The following TOPAZ1 variants were observed in gnomAD, a reference collection of about 807,000 sequenced individuals.
TOPAZ1 encodes testis and ovary specific TOPAZ 1.
Under a neutral mutation model 172.2 loss-of-function variants are expected in TOPAZ1, and 66 were observed. The observed-to-expected ratio is 0.38, with a 90% CI of 0.31 to 0.47. TOPAZ1 has a LOEUF of 0.47. Among genes scored for constraint, TOPAZ1 ranks in the 20% least tolerant of loss-of-function variants. The pLI is 0.99. For missense variants in TOPAZ1, 1,822 were observed against 1,972.4 expected, an observed-to-expected ratio of 0.92 and a Z score of 1.44; for synonymous variants, 681 against 683.9, an observed-to-expected ratio of 1.00 and a Z score of 0.07.
At chr3:44,285,874 A>G (rs1447137445) in intron 9 of TOPAZ1, among the ~76,000 whole-genome samples, 2 of 151,374 alleles carry the variant, frequency 1.3e-5, no homozygotes, top group African/African-American at 4.8e-5. Context: ...GGCCGAGAGG[A>G]TCATTATTTT....
At chr3:44,296,847 C>CAAAAAAAAAAAAAAA (rs141080618) in intron 12 of TOPAZ1, among the ~76,000 whole-genome samples, 29 of 104,752 alleles carry the variant, frequency 2.8e-4, no homozygotes, top group Non-Finnish European at 3.3e-4. Flanking sequence ...CAGAGAATAC[C>CAAAAAAAAAAAAAAA]AAAAAAAAAA....
At chr3:44,249,420 G>A (rs543841367) in intron 2 of TOPAZ1, among the ~76,000 whole-genome samples, 2 of 152,138 alleles carry the variant, frequency 1.3e-5, no homozygotes, top group Admixed American at 6.5e-5. Context: ...AAGTTTGGTC[G>A]GGAAGGAGAA....
At position 44,259,758 on chromosome 3, in the gene TOPAZ1, C is replaced by T. The variant is rs184952494; in HGVS notation, c.2956-2661C>T. ...CACTAATTCATTATTAATTTTTTGT[C>T]CATCTGCTTATTTTTATAAATGACT... On this transcript the variant is annotated intron_variant, in intron 4 of 19. Coordinates refer to ENST00000309765, the MANE Select transcript of TOPAZ1 (RefSeq NM_001145030.2). Among the ~76,000 whole-genome samples the T allele has an allele frequency of 2.3e-3, 350 of 152,226 alleles. 1 individual carries two copies. The highest frequency in any genetic ancestry group is 3.9e-3 in the Non-Finnish European group (262 of 68,016).
rs1488320126 is a variant in TOPAZ1, at chr3:44,242,064, C to T, written c.11C>T (p.Pro4Leu). The T allele has an allele frequency of 1.3e-6, 2 of 1,545,124 alleles. No individual in the cohort carries two copies. The highest frequency in any genetic ancestry group is 1.2e-5 in the South Asian group (1 of 83,876). The change falls in exon 1 of 20, where the codon CCT becomes CTT. Residue 4 changes from proline (P) to leucine (L), a missense_variant. By Grantham distance (98) the Pro-to-Leu change is moderately conservative (BLOSUM62 -3). This residue lies in a region of TOPAZ1 where 1,489 missense variants were observed against 1,490.8 expected (regional missense o/e 1.00). Transcript: ENST00000309765. Reference protein sequence around the residue: MRRPPPLGPTTASG... With the variant: MRRLPPLGPTTASG... ...CCGGCCCCGGGGCACATGCGACGAC[C>T]TCCACCCCTGGGCCCCACGACGGCC...
chr3:44,279,379 C>T (rs182012222), intron 8 of TOPAZ1, among the ~76,000 whole-genome samples: 5 of 152,162 alleles, frequency 3.3e-5, no homozygotes, highest in Non-Finnish European at 5.9e-5. Context: ...TGTTAATTTT[C>T]TGTCTAGATG....
Position 44,282,163 on chromosome 3 carries a change from AG to A in TOPAZ1, c.3436+134del. On this transcript the variant is annotated intron_variant, in intron 9 of 19. Coordinates refer to ENST00000309765, the MANE Select transcript of TOPAZ1 (RefSeq NM_001145030.2). Reference sequence around the variant, plus strand: ...AAGAGTAGCTCTGTTGGCCTAAGAAAGGATTGAAAATAAATGAGATATTTTG... The same window carrying A: ...AAGAGTAGCTCTGTTGGCCTAAGAAAGATTGAAAATAAATGAGATATTTTG... The A allele has an allele frequency of 5.2e-6, 3 of 580,120 alleles. No individual in the cohort carries two copies. In the South Asian group the frequency reaches 8.0e-5, roughly 15 times the overall value. 35.9% of individuals were successfully genotyped at this position (580,120 alleles called of 1,614,324 possible). A position where few individuals can be genotyped will look rare whatever the true frequency, so the allele number is the denominator to read the frequency against.
In TOPAZ1 at chr3:44,269,258, A is replaced by G; in HGVS notation, c.3203A>G (p.Asn1068Ser). 6.4e-7 allele frequency: 1 copy of G among 1,550,510 alleles called. No homozygotes were observed. Among genetic ancestry groups the G allele is most frequent in the Non-Finnish European group, 8.7e-7 (1 of 1,146,008 alleles). ...LGKHSVLKLQ[N>S]PETCEIFKRE... ...AAACATTCTGTCCTAAAGCTGCAGA[A>G]TCCTGAAACTTGTGAAATATTCAAG... Residue 1068 changes from asparagine (N) to serine (S), a missense_variant, in exon 7 of 20, where the codon AAT becomes AGT. Physicochemically the swap from Asn to Ser is conservative, Grantham distance 46. Coordinates refer to ENST00000309765, the MANE Select transcript of TOPAZ1 (RefSeq NM_001145030.2).
intron 12 of TOPAZ1, among the ~76,000 whole-genome samples, chr3:44,293,662 A>G (rs1422903964): frequency 6.6e-6 from 1 of 152,234 alleles, no homozygotes; most frequent in Non-Finnish European, 1.5e-5. Context: ...AAAAGAGTCA[A>G]AAAGTTTGTA....
At chr3:44,251,993 T>C (rs988657266) in intron 2 of TOPAZ1, among the ~76,000 whole-genome samples, 1 of 152,218 alleles carries the variant, frequency 6.6e-6, no homozygotes, top group Non-Finnish European at 1.5e-5. Context: ...ATTTAACTTT[T>C]TGTCTCTCAA....
chr3:44,305,267 A>G lies in TOPAZ1; in HGVS notation c.3985A>G (p.Lys1329Glu), dbSNP rs1464974960. ...FCACIAETLT[K>E]NYEDERPDIP... ...TGCTTGCATTGCTGAAACACTCACA[A>G]AAAACTATGAAGATGAAAGACCAGA... Residue 1329 changes from lysine to glutamate, a missense_variant, in exon 14 of 20, where the codon AAA becomes GAA. Around this residue, in one of 2 missense-constraint regions of TOPAZ1, gnomAD observed 333 missense variants for 481.7 expected, o/e 0.69. Coordinates refer to ENST00000309765, the MANE Select transcript of TOPAZ1 (RefSeq NM_001145030.2). 1 of 1,544,142 alleles carries G rather than the reference A, an allele frequency of 6.5e-7. No individual in the cohort carries two copies. The highest frequency in any genetic ancestry group is 1.4e-5 in the African/African-American group (1 of 72,552).
At chr3:44,291,727 T>C (rs1452766315) in intron 12 of TOPAZ1, among the ~76,000 whole-genome samples, 1 of 148,008 alleles carries the variant, frequency 6.8e-6, no homozygotes, top group African/African-American at 2.5e-5. Flanking sequence ...ATAACATACA[T>C]AGAAAAAAAG....
intron 12 of TOPAZ1, among the ~76,000 whole-genome samples, chr3:44,301,350 A>C (rs1196973382): frequency 6.6e-6 from 1 of 152,190 alleles, no homozygotes; most frequent in Non-Finnish European, 1.5e-5. Flanking sequence ...TATTTTTGGA[A>C]ATTCCTGTGA....
intron 16 of TOPAZ1, among the ~76,000 whole-genome samples, chr3:44,318,327 G>T (rs1436113568): frequency 6.6e-6 from 1 of 152,030 alleles, no homozygotes; most frequent in African/African-American, 2.4e-5. Flanking sequence ...TGGCAGGCAC[G>T]TGTAGTCCCA....
chr3:44,320,735 C>CT (rs1307143058), intron 16 of TOPAZ1, among the ~76,000 whole-genome samples: 1 of 152,000 alleles, frequency 6.6e-6, no homozygotes, highest in Non-Finnish European at 1.5e-5. Context: ...ATAATCTGAA[C>CT]TTTTTTATAT....
chr3:44,327,620 G>A (rs1700614451), intron 18 of TOPAZ1, among the ~76,000 whole-genome samples: 1 of 151,964 alleles, frequency 6.6e-6, no homozygotes, highest in Admixed American at 6.6e-5. Context: ...ATAAATAACT[G>A]TGCTCAAAAA....
intron 19 of TOPAZ1, among the ~76,000 whole-genome samples, chr3:44,331,265 C>T (rs1039936162): frequency 1.8e-4 from 27 of 152,172 alleles, no homozygotes; most frequent in African/African-American, 6.3e-4. Context: ...TTTTTGTCAT[C>T]AGGGTATAAG....
intron 14 of TOPAZ1, 58 bp downstream of exon 14, chr3:44,305,379 T>C (rs1244032547): frequency 1.4e-5 from 20 of 1,403,156 alleles, no homozygotes; most frequent in Non-Finnish European, 1.9e-5. Flanking sequence ...TTTTCTTTTT[T>C]GTTTTTTAGA....
chr3:44,289,065 A>T (rs1222796616), intron 11 of TOPAZ1, among the ~76,000 whole-genome samples: 1 of 152,160 alleles, frequency 6.6e-6, no homozygotes, highest in Non-Finnish European at 1.5e-5. Flanking sequence ...CCTGCCTTAG[A>T]TTGTTACCTA....
intron 16 of TOPAZ1, among the ~76,000 whole-genome samples, chr3:44,314,436 G>A (rs1318943543): frequency 2.0e-5 from 3 of 152,018 alleles, no homozygotes; most frequent in African/African-American, 7.3e-5. Context: ...ACCCCATAAC[G>A]TAGGTAATAG....
Sources: gnomAD v4.1 joint callset for allele counts (sites outside exome capture counted in the v4.1 genomes callset) on GRCh38, gnomAD v4.1.1 for gene constraint, gnomAD v4.1.1 regional missense constraint, MANE v1.5 for transcripts, NCBI Gene and HGNC (gene_info 2026-07-23, HGNC 2026-07-21) for gene names.